The following ELAVL2 variants were observed in gnomAD, a reference collection of about 807,000 sequenced individuals.
The protein encoded by ELAVL2 is ELAV-like protein 2.
ELAVL2 carries 4 observed loss-of-function variants against 34.6 expected under a neutral mutation model. That is an observed-to-expected ratio of 0.12 (90% CI 0.06 to 0.26). The LOEUF is 0.26. Ranked by LOEUF, ELAVL2 falls within the 10% of genes least tolerant of loss-of-function variation. ELAVL2 has a pLI of 1.00. For missense variants in ELAVL2, 432 were observed against 442.8 expected (o/e 0.98, Z 0.22); for synonymous variants, 193 against 154.8 (o/e 1.25, Z -1.83).
chr9:23,841,146 G>A, the ELAVL2 span, among the ~76,000 whole-genome samples: 1 of 152,184 alleles, frequency 6.6e-6, no homozygotes, highest in South Asian at 2.1e-4. Flanking sequence ...TAGATCTGGG[G>A]TATTAGCAAT....
chr9:23,826,823 A>C (rs539418126), upstream of ELAVL2, among the ~76,000 whole-genome samples: 1 of 152,310 alleles, frequency 6.6e-6, no homozygotes, highest in South Asian at 2.1e-4. Flanking sequence ...ATTTGCCCGC[A>C]TGCCTTTTTT....
chr9:23,792,494 T>A (rs543877708), intron 1 of ELAVL2, among the ~76,000 whole-genome samples: 1 of 152,290 alleles, frequency 6.6e-6, no homozygotes, highest in South Asian at 2.1e-4. Context: ...CAAGCCTTTA[T>A]CATCATATAC....
intron 1 of ELAVL2, among the ~76,000 whole-genome samples, chr9:23,801,868 T>C (rs2137668369): frequency 6.6e-6 from 1 of 152,354 alleles, no homozygotes; most frequent in Non-Finnish European, 1.5e-5. Flanking sequence ...AGTTTTCTTC[T>C]AACAAGCGCT....
At chr9:23,814,665 C>T (rs766646105) in intron 1 of ELAVL2, among the ~76,000 whole-genome samples, 1 of 152,012 alleles carries the variant, frequency 6.6e-6, no homozygotes, top group Non-Finnish European at 1.5e-5. Flanking sequence ...TAGAAATAGG[C>T]CTTACCTGGG....
the ELAVL2 span, chr9:23,832,448 T>C: frequency 6.6e-6 from 1 of 152,206 alleles, no homozygotes; most frequent in African/African-American, 2.4e-5. Context: ...TTTGAAATTT[T>C]ATGCATTATT....
intron 3 of ELAVL2, among the ~76,000 whole-genome samples, chr9:23,713,010 A>G (rs2041386638): frequency 6.6e-6 from 1 of 152,186 alleles, no homozygotes; most frequent in African/African-American, 2.4e-5. Flanking sequence ...GACAAACTAC[A>G]CTGCACTGAG....
At chr9:23,835,135 G>A in the ELAVL2 span, among the ~76,000 whole-genome samples, 2 of 151,998 alleles carry the variant, frequency 1.3e-5, no homozygotes, top group Non-Finnish European at 1.5e-5. Context: ...TGTTACTTTA[G>A]TTAGGCTCAA....
intron 1 of ELAVL2, among the ~76,000 whole-genome samples, chr9:23,767,918 G>T (rs1430062779): frequency 3.3e-5 from 5 of 152,142 alleles, no homozygotes; most frequent in Admixed American, 2.6e-4. Context: ...TAAAGTCATA[G>T]CAGGGCTGCT....
intron 1 of ELAVL2, among the ~76,000 whole-genome samples, chr9:23,781,642 G>C (rs925020305): frequency 6.6e-6 from 1 of 150,660 alleles, no homozygotes; most frequent in Non-Finnish European, 1.5e-5. Flanking sequence ...AGCCTCTTGA[G>C]TAGCTGGGAC....
At chr9:23,737,615 C>G (rs1401514793) in intron 2 of ELAVL2, among the ~76,000 whole-genome samples, 1 of 152,074 alleles carries the variant, frequency 6.6e-6, no homozygotes, top group African/African-American at 2.4e-5. Flanking sequence ...ATGTACAAGT[C>G]AAATAAAATG....
chr9:23,834,042 A>T, the ELAVL2 span, among the ~76,000 whole-genome samples: 1 of 151,986 alleles, frequency 6.6e-6, no homozygotes, highest in Non-Finnish European at 1.5e-5. Flanking sequence ...TTGGTTCAGC[A>T]TCCTTTGAGT....
In ELAVL2 at chr9:23,759,577, A is replaced by T. The variant is rs539642357; in HGVS notation, c.229+2429T>A. ...TTTGAACACTCTCAAAGAAATTATG[A>T]ATGTTTGAGATTTGGAAATGCTATA... On this transcript the variant is annotated intron_variant, in intron 2 of 6. Transcript: ENST00000397312. Among the ~76,000 whole-genome samples the T allele has an allele frequency of 2.0e-5, 3 of 151,570 alleles. No homozygotes were observed. The South Asian group carries it at 6.2e-4, about 32-fold the overall frequency.
intron 3 of ELAVL2, among the ~76,000 whole-genome samples, chr9:23,727,602 A>G (rs2045544083): frequency 6.6e-6 from 1 of 152,032 alleles, no homozygotes. Context: ...TGGGAAGCAT[A>G]ATAAAAAACA....
At chr9:23,714,091 G>T (rs957820271) in intron 3 of ELAVL2, among the ~76,000 whole-genome samples, 1 of 152,106 alleles carries the variant, frequency 6.6e-6, no homozygotes, top group East Asian at 1.9e-4. Flanking sequence ...ACATACATAG[G>T]AAACAATTCA....
rs9696499 is a variant in ELAVL2 at position 23,691,053 on chromosome 9, C to G, written c.*1504G>C. ...TTATACCACAAACATATTTATAAAC[C>G]AAAATGTAGCATCACCATAAACAGC... On this transcript the variant is annotated 3_prime_UTR_variant, in exon 7 of 7. Transcript: ENST00000397312. The G allele has an allele frequency of 0.92, 140,987 of 152,584 alleles. 65,152 individuals carry two copies. The highest frequency in any genetic ancestry group is 0.99 in the East Asian group (5,140 of 5,172). 9.5% of individuals were successfully genotyped at this position (152,584 alleles called of 1,614,324 possible). A position where few individuals can be genotyped will look rare whatever the true frequency, so the allele number is the denominator to read the frequency against.
chr9:23,708,529 C>G (rs899849421), intron 3 of ELAVL2, among the ~76,000 whole-genome samples: 4 of 152,194 alleles, frequency 2.6e-5, no homozygotes, highest in Non-Finnish European at 4.4e-5. Flanking sequence ...TTTCAGTTCA[C>G]TTGTTCTGAG....
chr9:23,765,608 C>G (rs908565708), intron 1 of ELAVL2, among the ~76,000 whole-genome samples: 15 of 152,090 alleles, frequency 9.9e-5, no homozygotes, highest in Admixed American at 3.9e-4. Flanking sequence ...ATAAATGATC[C>G]TTAATCCTGG....
At chr9:23,727,018 C>A (rs754050448) in intron 3 of ELAVL2, among the ~76,000 whole-genome samples, 3 of 152,090 alleles carry the variant, frequency 2.0e-5, no homozygotes, top group Non-Finnish European at 2.9e-5. Flanking sequence ...CTCCCCCACC[C>A]CCATGCCTGA....
intron 1 of ELAVL2, among the ~76,000 whole-genome samples, chr9:23,772,486 G>C (rs1162040921): frequency 7.7e-6 from 1 of 129,860 alleles, no homozygotes; most frequent in South Asian, 2.5e-4. Context: ...GCAGGACTTA[G>C]AGATAGAAAA....
Sources: allele counts gnomAD v4.1 joint callset (sites outside exome capture counted in the v4.1 genomes callset), GRCh38; gene constraint gnomAD v4.1.1; transcripts MANE v1.5; gene names NCBI Gene and HGNC (gene_info 2026-07-23, HGNC 2026-07-21).